Variants in CARM1 observed in about 807,000 individuals in gnomAD.
The protein encoded by CARM1 is coactivator associated arginine methyltransferase 1.
CARM1 carries 14 observed loss-of-function variants against 72.7 expected under a neutral mutation model. The ratio of observed to expected loss-of-function variants is 0.19; its 90% confidence interval spans 0.13 to 0.30. The LOEUF is 0.30. Ranked by LOEUF, CARM1 falls within the 10% of genes least tolerant of loss-of-function variation. The pLI is 1.00. For missense variants in CARM1, 432 were observed against 833.7 expected (o/e 0.52, Z 5.93); for synonymous variants, 333 against 345.5 (o/e 0.96, Z 0.40).
chr19:10,894,963 T>G (rs2074013993), intron 1 of CARM1, among the ~76,000 whole-genome samples: 1 of 152,048 alleles, frequency 6.6e-6, no homozygotes, highest in Non-Finnish European at 1.5e-5. Flanking sequence ...CAGGCTGGTC[T>G]CAAACTCCTG....
chr19:10,884,028 T>TTC (rs1169538467), intron 1 of CARM1, among the ~76,000 whole-genome samples: 6 of 139,202 alleles, frequency 4.3e-5, no homozygotes, highest in Non-Finnish European at 6.3e-5. Flanking sequence ...TTTTTTTTTT[T>TTC]TTCGTTTTTT....
intron 2 of CARM1, among the ~76,000 whole-genome samples, chr19:10,906,550 T>A (rs2074105593): frequency 6.6e-6 from 1 of 151,804 alleles, no homozygotes; most frequent in Non-Finnish European, 1.5e-5. Context: ...GCAACCTCCA[T>A]CTCCCAGGTT....
intron 4 of CARM1, among the ~76,000 whole-genome samples, chr19:10,909,861 C>T (rs2074135000): frequency 1.3e-5 from 2 of 151,986 alleles, no homozygotes; most frequent in Non-Finnish European, 2.9e-5. Flanking sequence ...CCAAGATAGC[C>T]GCTACCCCTC....
intron 4 of CARM1, among the ~76,000 whole-genome samples, chr19:10,910,302 G>A (rs1420018035): frequency 6.6e-6 from 1 of 151,918 alleles, no homozygotes; most frequent in African/African-American, 2.4e-5. Context: ...CATGGCAAAA[G>A]CCCATTTCTA....
chr19:10,914,792 G>C (rs978734949), intron 6 of CARM1, among the ~76,000 whole-genome samples: 2 of 152,184 alleles, frequency 1.3e-5, no homozygotes, highest in African/African-American at 4.8e-5. Flanking sequence ...CTGACCTCAG[G>C]TGATCTACCC....
At position 10,899,934 on chromosome 19, in the gene CARM1, G is replaced by A. The variant is rs544759758; in HGVS notation, c.221-5017G>A. Among the ~76,000 whole-genome samples the A allele has an allele frequency of 2.6e-5, 4 of 152,090 alleles. No individual in the cohort carries two copies. In the East Asian group the frequency reaches 5.8e-4, roughly 22 times the overall value. ...CGGGGTTTTGCCATGTTGGACAGGT[G>A]TGTCTCAAACTCCTGGGTTCAAGTG... is the stretch of plus-strand genomic sequence containing the variant. On this transcript the variant is annotated intron_variant, in intron 1 of 15. Coordinates refer to ENST00000327064, the MANE Select transcript of CARM1 (RefSeq NM_199141.2).
intron 1 of CARM1, among the ~76,000 whole-genome samples, chr19:10,882,906 C>G (rs1447778948): frequency 6.6e-6 from 1 of 152,068 alleles, no homozygotes; most frequent in Non-Finnish European, 1.5e-5. Flanking sequence ...GGGAAGTGGT[C>G]TAGGGAGCAC....
chr19:10,893,774 G>A (rs1275931166), intron 1 of CARM1, among the ~76,000 whole-genome samples: 1 of 152,152 alleles, frequency 6.6e-6, no homozygotes, highest in African/African-American at 2.4e-5. Context: ...CCCTGGGGCC[G>A]GGCTGTCAGG....
chr19:10,884,356 A>AC (rs2073925149), intron 1 of CARM1, among the ~76,000 whole-genome samples: 1 of 151,472 alleles, frequency 6.6e-6, no homozygotes, highest in Non-Finnish European at 1.5e-5. Context: ...AAAAAAAAAA[A>AC]CAAAAAGACA....
chr19:10,906,524 G>A (rs2074105352), intron 2 of CARM1, among the ~76,000 whole-genome samples: 1 of 152,150 alleles, frequency 6.6e-6, no homozygotes, highest in South Asian at 2.1e-4. Flanking sequence ...GTGCAGTGGC[G>A]CGATCTCGGC....
At position 10,922,514 on chromosome 19, in the gene CARM1, G is replaced by A. The variant is rs1205172567; in HGVS notation, c.*757G>A. On this transcript the variant is annotated 3_prime_UTR_variant, in exon 16 of 16. Coordinates refer to ENST00000327064, the MANE Select transcript of CARM1 (RefSeq NM_199141.2). ...TAGAGCAGGTGGCTGCAGGCCTTGGGCCCGGAGGGAAGGCCACTGCCGGCC... is the reference window on the plus strand; with the variant it reads ...TAGAGCAGGTGGCTGCAGGCCTTGGACCCGGAGGGAAGGCCACTGCCGGCC... 6.6e-6 allele frequency: 1 copy of A among 150,388 alleles called. No individual in the cohort carries two copies. The highest frequency in any genetic ancestry group is 1.5e-5 in the Non-Finnish European group (1 of 67,690). The allele number at this position is 150,388 out of a possible 1,614,324, so 9.3% of individuals were successfully genotyped here. A position where few individuals can be genotyped will look rare whatever the true frequency, so the allele number is the denominator to read the frequency against.
intron 1 of CARM1, among the ~76,000 whole-genome samples, chr19:10,885,265 C>T (rs546139896): frequency 7.2e-5 from 11 of 152,240 alleles, no homozygotes; most frequent in African/African-American, 2.4e-4. Flanking sequence ...TGTGCCCCCC[C>T]ACCCCTGCCA....
Position 10,881,251 on chromosome 19 carries a change from G to A in CARM1, c.220+9329G>A, listed in dbSNP as rs562811534. Among the ~76,000 whole-genome samples, 16 of 152,322 alleles carry A rather than the reference G, an allele frequency of 1.1e-4. No homozygotes were observed. The East Asian group carries it at 2.1e-3, about 20-fold the overall frequency. On this transcript the variant is annotated intron_variant, in intron 1 of 15. Coordinates refer to ENST00000327064, the MANE Select transcript of CARM1 (RefSeq NM_199141.2). ...AAGCTTTGCCCTGTGTGCCTGGCCC[G>A]AAGTAAGTGCTCCATAAATTGGCCG...
intron 4 of CARM1, among the ~76,000 whole-genome samples, chr19:10,910,956 T>A (rs1001746553): frequency 2.0e-5 from 3 of 152,164 alleles, no homozygotes; most frequent in Non-Finnish European, 2.9e-5. Context: ...AGTGGCACAA[T>A]CTCAGCTCAC....
Position 10,915,281 on chromosome 19 carries a change from G to T in CARM1, c.848-1126G>T, listed in dbSNP as rs2074186219. 6.6e-6 allele frequency among the ~76,000 whole-genome samples: 1 copy of T among 152,142 alleles called. No individual in the cohort carries two copies. The highest frequency in any genetic ancestry group is 1.5e-5 in the Non-Finnish European group (1 of 68,024). On this transcript the variant is annotated intron_variant, in intron 6 of 15. Transcript: ENST00000327064. The surrounding 1 kb of genome is among the most constrained non-coding windows in gnomAD (Gnocchi z 4.6). ...TTCTGCCCTGATGGTGGGGATGGGGGTGGGGACAGCCCCAGCAGAGAGGGC... is the reference window on the plus strand; with the variant it reads ...TTCTGCCCTGATGGTGGGGATGGGGTTGGGGACAGCCCCAGCAGAGAGGGC...
At chr19:10,906,380 G>A (rs1485368000) in intron 2 of CARM1, among the ~76,000 whole-genome samples, 1 of 152,202 alleles carries the variant, frequency 6.6e-6, no homozygotes, top group African/African-American at 2.4e-5. Context: ...GTGTAGGTTG[G>A]TAGCAAGCAG....
At position 10,904,820 on chromosome 19, in the gene CARM1, G is replaced by A. The variant is rs992111062; in HGVS notation, c.221-131G>A. 4.1e-6 allele frequency: 5 copies of A among 1,206,854 alleles called. No individual in the cohort carries two copies. In the African/African-American group the frequency reaches 7.5e-5, roughly 18 times the overall value. 74.8% of individuals were successfully genotyped at this position (1,206,854 alleles called of 1,614,324 possible). A position where few individuals can be genotyped will look rare whatever the true frequency, so the allele number is the denominator to read the frequency against. On this transcript the variant is annotated intron_variant, in intron 1 of 15. Coordinates refer to ENST00000327064, the MANE Select transcript of CARM1 (RefSeq NM_199141.2). ...CAGGGCACCCGGCAATGCTGCCAGG[G>A]TGGTTTTGTGGCACTCTGGAAGAAT...
intron 1 of CARM1, among the ~76,000 whole-genome samples, chr19:10,890,260 G>GTTT (rs377132328): frequency 6.3e-5 from 7 of 110,534 alleles, no homozygotes; most frequent in Non-Finnish European, 8.5e-5. Flanking sequence ...TTTGTTTTTT[G>GTTT]TTTTGTTTGT....
At chr19:10,892,260 G>A (rs927322312) in intron 1 of CARM1, among the ~76,000 whole-genome samples, 1 of 152,230 alleles carries the variant, frequency 6.6e-6, no homozygotes, top group African/African-American at 2.4e-5. Context: ...ATAAGGCCCT[G>A]CAAAGGGATT....
Sources: gnomAD v4.1 joint callset for allele counts (sites outside exome capture counted in the v4.1 genomes callset) on GRCh38, gnomAD v4.1.1 for gene constraint, Gnocchi (gnomAD v3.1) non-coding constraint, MANE v1.5 for transcripts, NCBI Gene and HGNC (gene_info 2026-07-23, HGNC 2026-07-21) for gene names.